Variants in DNAH5 observed in about 807,000 individuals in gnomAD.
DNAH5 encodes the protein dynein axonemal heavy chain 5.
A neutral mutation model predicts 518.2 loss-of-function variants in DNAH5; 372 were observed. That is an observed-to-expected ratio of 0.72 (90% CI 0.66 to 0.78). DNAH5 has a LOEUF of 0.78. DNAH5 is among the 30% of genes least tolerant of loss of function. DNAH5 has a pLI of 0.00. For missense variants in DNAH5, 5,523 were observed against 5,687.0 expected (o/e 0.97, Z 0.93); for synonymous variants, 2,039 against 2,025.9 (o/e 1.01, Z -0.17).
intron 27 of DNAH5, 26 bp from the exon 28 acceptor site, chr5:13,864,663 G>C (rs377637890): frequency 1.8e-5 from 29 of 1,613,670 alleles, no homozygotes; most frequent in Non-Finnish European, 2.4e-5. Flanking sequence ...AACATGAAAG[G>C]CCATTGAAAT....
At chr5:13,999,731 C>T (rs1784218244) in intron 1 of DNAH5, among the ~76,000 whole-genome samples, 1 of 152,178 alleles carries the variant, frequency 6.6e-6, no homozygotes. Context: ...CCTGGATCAT[C>T]TGGTAGTGGT....
In DNAH5 at chr5:13,768,947, C is replaced by T; in HGVS notation, c.9897+13G>A. ...GCCCTAAAGCTGACATCTGTTATATCACATAGATGCACCTGCAATGCAGCT... is the reference window on the plus strand; with the variant it reads ...GCCCTAAAGCTGACATCTGTTATATTACATAGATGCACCTGCAATGCAGCT... On this transcript the variant is annotated intron_variant, in intron 58 of 78. Transcript: ENST00000265104. 6.2e-7 allele frequency: 1 copy of T among 1,614,050 alleles called. No homozygotes were observed. The highest frequency in any genetic ancestry group is 1.7e-4 in the Middle Eastern group (1 of 6,060).
chr5:13,787,206 A>T (rs1314494821), intron 51 of DNAH5, among the ~76,000 whole-genome samples: 3 of 150,512 alleles, frequency 2.0e-5, no homozygotes, highest in African/African-American at 7.3e-5. Flanking sequence ...TCTGTTTCAA[A>T]AAAAAAAAAA....
rs529225111 is a variant in DNAH5, at chr5:13,737,476, G to T, written c.11231C>A (p.Thr3744Asn). The T allele has an allele frequency of 9.4e-5, 151 of 1,613,876 alleles. 4 individuals carry two copies. The African/African-American group carries it at 1.5e-3, about 16-fold the overall frequency. Residue 3744 changes from threonine to asparagine, a missense_variant, in exon 66 of 79, where the codon ACT becomes AAT. Thr to Asn is a moderately conservative substitution (Grantham distance 65). Around this residue, in one of 3 missense-constraint regions of DNAH5, gnomAD observed 5,121 missense variants for 5,223.3 expected, o/e 0.98. Coordinates refer to ENST00000265104, the MANE Select transcript of DNAH5 (RefSeq NM_001369.3). The part of the protein sequence containing the change: ...TEKQELEKER[T>N]HLMEDVTANK... ...TGCAGTTACATCTTCCATCAGATGAGTTCTTTCTTTCTCCAATTCCTATTA... is the reference window on the plus strand; with the variant it reads ...TGCAGTTACATCTTCCATCAGATGATTTCTTTCTTTCTCCAATTCCTATTA...
chr5:13,815,649 G>C (rs766901021), intron 42 of DNAH5, among the ~76,000 whole-genome samples: 10 of 152,124 alleles, frequency 6.6e-5, no homozygotes, highest in Non-Finnish European at 1.5e-4. Context: ...AGGTGATCAC[G>C]TTCCAGGAAC....
At position 13,867,893 on chromosome 5, in the gene DNAH5, G is replaced by A. The variant is rs781667158; in HGVS notation, c.3934C>T (p.Arg1312Cys). Residue 1312 changes from arginine (R) to cysteine (C), a missense_variant, in exon 25 of 79, where the codon CGT becomes TGT. Physicochemically the swap from Arg to Cys is radical, Grantham distance 180. This residue lies in a region of DNAH5 where 5,121 missense variants were observed against 5,223.3 expected (regional missense o/e 0.98). Coordinates refer to ENST00000265104, the MANE Select transcript of DNAH5 (RefSeq NM_001369.3). ...AATTTATTCTGGACTTCGCCAGCACGTGCCAGCAGCTTCTCCCAAGCATAG... is the reference window on the plus strand; with the variant it reads ...AATTTATTCTGGACTTCGCCAGCACATGCCAGCAGCTTCTCCCAAGCATAG... Reference protein sequence around the residue: ...LHYAWEKLLARAGEVQNKLVS... With the variant: ...LHYAWEKLLACAGEVQNKLVS... 2.0e-5 allele frequency: 32 copies of A among 1,613,898 alleles called. No individual in the cohort carries two copies. The highest frequency in any genetic ancestry group is 1.4e-4 in the South Asian group (13 of 91,078).
chr5:13,726,203 G>T (rs532616851), intron 70 of DNAH5, among the ~76,000 whole-genome samples: 1 of 152,210 alleles, frequency 6.6e-6, no homozygotes, highest in Non-Finnish European at 1.5e-5. Context: ...AGGAGAATAA[G>T]AACTTGAGAG....
At chr5:13,989,588 G>A (rs138481881) in intron 1 of DNAH5, among the ~76,000 whole-genome samples, 1,510 of 150,278 alleles carry the variant, frequency 0.01, 10 homozygotes, top group Middle Eastern at 0.017. Context: ...GGTTCACGCC[G>A]TTCTCCTGCC....
intron 40 of DNAH5, among the ~76,000 whole-genome samples, chr5:13,822,570 A>AAT (rs1762366070): frequency 6.6e-6 from 1 of 152,150 alleles, no homozygotes; most frequent in Non-Finnish European, 1.5e-5. Context: ...TTTTATTATA[A>AAT]ATATTTTCAA....
chr5:13,719,630 AT>A (rs1281354692), intron 71 of DNAH5, among the ~76,000 whole-genome samples: 1 of 152,210 alleles, frequency 6.6e-6, no homozygotes, highest in Admixed American at 6.5e-5. Context: ...TTAATGAAAA[AT>A]GAGAAGTTGA....
At chr5:13,830,574 A>C in intron 36 of DNAH5, 23 bp downstream of exon 36, 1 of 1,613,358 alleles carries the variant, frequency 6.2e-7, no homozygotes, top group East Asian at 2.2e-5. Flanking sequence ...ATTTCTCACC[A>C]GATTAAAAAA....
At chr5:13,841,223 C>A (rs568082792) in intron 33 of DNAH5, 93 bp from the exon 34 acceptor site, 4 of 1,015,706 alleles carry the variant, frequency 3.9e-6, no homozygotes, top group Non-Finnish European at 6.0e-6. Flanking sequence ...GATTGTTACA[C>A]AAGTGTAAAG....
At chr5:13,852,324 T>C (rs1275099725) in intron 30 of DNAH5, among the ~76,000 whole-genome samples, 4 of 152,136 alleles carry the variant, frequency 2.6e-5, no homozygotes, top group South Asian at 2.1e-4. Flanking sequence ...TGTGCCACCA[T>C]GCCTGGCTAA....
chr5:13,748,843 C>G (rs1388433125), intron 65 of DNAH5, among the ~76,000 whole-genome samples: 2 of 152,064 alleles, frequency 1.3e-5, no homozygotes, highest in African/African-American at 4.8e-5. Flanking sequence ...AATTTGACTT[C>G]CTCTTTTCCT....
chr5:13,852,075 G>C (rs1167270617), intron 30 of DNAH5, among the ~76,000 whole-genome samples: 1 of 142,080 alleles, frequency 7.0e-6, no homozygotes, highest in African/African-American at 2.6e-5. Context: ...TGCAGACCAG[G>C]AGATTCCCTC....
At chr5:13,824,697 C>A (rs1762668958) in intron 38 of DNAH5, among the ~76,000 whole-genome samples, 1 of 152,122 alleles carries the variant, frequency 6.6e-6, no homozygotes, top group South Asian at 2.1e-4. Flanking sequence ...AAATTCAGAA[C>A]CAGAATTAAA....
At chr5:13,865,206 G>A (rs571218663) in intron 27 of DNAH5, among the ~76,000 whole-genome samples, 32 of 151,958 alleles carry the variant, frequency 2.1e-4, no homozygotes, top group African/African-American at 5.6e-4. Context: ...TGTTGGCCAG[G>A]ATAGTCTCAA....
In DNAH5 at chr5:13,810,117, C is replaced by T; in HGVS notation, c.7551G>A (p.Glu2517=). 1.3e-6 allele frequency: 2 copies of T among 1,550,590 alleles called. No homozygotes were observed. Among genetic ancestry groups the T allele is most frequent in the Admixed American group, 3.9e-5 (2 of 51,288 alleles). The change falls in exon 45 of 79, where the codon GAG becomes GAA. Residue 2517 remains glutamate (E), a synonymous_variant. Coordinates refer to ENST00000265104, the MANE Select transcript of DNAH5 (RefSeq NM_001369.3). ...WLRSRPTGTL[E]LPPPAGPGDT... The stretch of plus-strand genomic sequence containing the variant: ...CCCCGGGCCCCGCTGGCGGCGGCAG[C>T]TCCAGCGTCCCTGTGGGCCGAGAGC...
chr5:13,830,703 G>C lies in DNAH5; in HGVS notation c.5955C>G (p.Gly1985=), dbSNP rs141369170. 1 of 1,614,104 alleles carries C rather than the reference G, an allele frequency of 6.2e-7. No homozygotes were observed. Among genetic ancestry groups the C allele is most frequent in the Non-Finnish European group, 8.5e-7 (1 of 1,180,020 alleles). ...GGAPAGPAGT[G]KTETTKDMGR... ...CCATGTCTTTAGTGGTTTCTGTTTT[G>C]CCTGTGCCTGCAGGTCCAGCAGGGG... Residue 1985 remains glycine (G), a synonymous_variant, in exon 36 of 79, where the codon GGC becomes GGG. Coordinates refer to ENST00000265104, the MANE Select transcript of DNAH5 (RefSeq NM_001369.3).
Sources: gnomAD v4.1 joint callset for allele counts (sites outside exome capture counted in the v4.1 genomes callset) on GRCh38, gnomAD v4.1.1 for gene constraint, gnomAD v4.1.1 regional missense constraint, MANE v1.5 for transcripts, NCBI Gene and HGNC (gene_info 2026-07-23, HGNC 2026-07-21) for gene names.